The following RNF38 variants were observed in gnomAD, a reference collection of about 807,000 sequenced individuals.
RNF38 encodes the protein ring finger protein 38.
Under a neutral mutation model 67.2 loss-of-function variants are expected in RNF38, and 15 were observed. The ratio of observed to expected loss-of-function variants is 0.22; its 90% CI spans 0.15 to 0.34. The LOEUF (loss-of-function observed/expected upper bound fraction) is 0.34. RNF38 is among the 10% of genes least tolerant of loss of function. The probability of loss-of-function intolerance (pLI) is 1.00; values close to 1 mark genes in which losing one functional copy is unlikely to be tolerated. For missense variants in RNF38, 524 were observed against 639.9 expected (o/e 0.82, Z 1.95); for synonymous variants, 220 against 218.8 (o/e 1.01, Z -0.05).
chr9:36,421,762 G>A (rs996595470), intron 2 of RNF38, among the ~76,000 whole-genome samples: 1 of 152,210 alleles, frequency 6.6e-6, no homozygotes, highest in African/African-American at 2.4e-5. Flanking sequence ...GAAGAAGTGG[G>A]GAAGGGAGAG....
At chr9:36,407,660 T>G (rs1350605838) in intron 2 of RNF38, among the ~76,000 whole-genome samples, 1 of 152,284 alleles carries the variant, frequency 6.6e-6, no homozygotes, top group Admixed American at 6.5e-5. Flanking sequence ...TGCTGTAACC[T>G]ATACTCTTTG....
intron 1 of RNF38, chr9:36,487,195 G>A (rs1433140031): frequency 3.2e-5 from 22 of 684,486 alleles, no homozygotes; most frequent in South Asian, 6.5e-5. Flanking sequence ...AGCTGACCCG[G>A]ACAACGCTCC....
At chr9:36,353,380 C>T (rs1292502174) in intron 6 of RNF38, 49 bp from the exon 7 acceptor site, 2 of 1,250,330 alleles carry the variant, frequency 1.6e-6, no homozygotes, top group Admixed American at 3.0e-5. Flanking sequence ...ATATATACTT[C>T]CTGTGTTTAG....
rs751226521 is a variant in RNF38, at chr9:36,352,827, G to A, written c.1093C>T (p.Arg365Trp). The change falls in exon 8 of 12, where the codon CGG becomes TGG. Residue 365 changes from arginine (R) to tryptophan (W), a missense_variant. Arg to Trp is a moderately radical substitution (Grantham distance 101). Transcript: ENST00000259605. ...TATCTACTACGTCCTGTAAGCCTCC[G>A]AGGCATAAATGGAGGATAAGGCTGC... The part of the protein sequence containing the change: ...FGVPYPPFMP[R>W]RLTGRSRYRS... The A allele has an allele frequency of 8.7e-6, 14 of 1,613,540 alleles. No individual in the cohort carries two copies. The highest frequency in any genetic ancestry group is 2.7e-5 in the African/African-American group (2 of 74,878).
intron 1 of RNF38, among the ~76,000 whole-genome samples, chr9:36,454,570 C>T (rs564447743): frequency 5.5e-5 from 8 of 145,562 alleles, no homozygotes; most frequent in Middle Eastern, 7.1e-3. Context: ...ATCAATTATA[C>T]ATTAATTTAC....
intron 1 of RNF38, among the ~76,000 whole-genome samples, chr9:36,425,528 T>TA (rs1838745846): frequency 6.6e-6 from 1 of 152,110 alleles, no homozygotes; most frequent in Non-Finnish European, 1.5e-5. Flanking sequence ...ACCCTGTCTC[T>TA]ACTAAAAATA....
chr9:36,390,346 T>C (rs912212582), intron 2 of RNF38, 121 bp downstream of exon 2: 5 of 807,996 alleles, frequency 6.2e-6, no homozygotes, highest in Non-Finnish European at 9.3e-6. Context: ...GAAGAATACT[T>C]ATTTCCACAT....
chr9:36,400,861 C>T, upstream of RNF38: 1 of 985,026 alleles, frequency 1.0e-6, no homozygotes, highest in South Asian at 4.6e-5. Context: ...GGCCCCGTCC[C>T]GCAACACCGC....
intron 1 of RNF38, among the ~76,000 whole-genome samples, chr9:36,468,746 A>G (rs1839925160): frequency 6.6e-6 from 1 of 152,000 alleles, no homozygotes. Flanking sequence ...TGGGAGGCAG[A>G]GGTTGCAGTG....
chr9:36,369,105 G>C (rs1043328117), intron 4 of RNF38, among the ~76,000 whole-genome samples: 6 of 152,094 alleles, frequency 3.9e-5, no homozygotes, highest in Non-Finnish European at 7.4e-5. Context: ...CTTGCTTATT[G>C]AATTATTCCA....
intron 1 of RNF38, among the ~76,000 whole-genome samples, chr9:36,461,647 G>A (rs2134376418): frequency 6.6e-6 from 1 of 152,260 alleles, no homozygotes; most frequent in African/African-American, 2.4e-5. Context: ...GGAGAGATGG[G>A]ATAGCTTCAG....
chr9:36,450,447 TA>T (rs1839409566), intron 1 of RNF38, among the ~76,000 whole-genome samples: 1 of 152,182 alleles, frequency 6.6e-6, no homozygotes. Context: ...CCTAGGTACA[TA>T]ACTATAAATT....
chr9:36,479,403 G>T (rs1011248819), intron 1 of RNF38, among the ~76,000 whole-genome samples: 8 of 152,128 alleles, frequency 5.3e-5, no homozygotes, highest in African/African-American at 1.9e-4. Context: ...TATCGTTTGT[G>T]GGAATTTACT....
intron 3 of RNF38, among the ~76,000 whole-genome samples, chr9:36,373,752 C>T (rs1018853360): frequency 6.6e-6 from 1 of 150,986 alleles, no homozygotes; most frequent in African/African-American, 2.4e-5. Context: ...TGGGATTACA[C>T]GTTGTCAGCC....
chr9:36,370,486 G>A (rs548077670), intron 3 of RNF38, among the ~76,000 whole-genome samples: 6 of 152,028 alleles, frequency 3.9e-5, no homozygotes, highest in Non-Finnish European at 8.8e-5. Flanking sequence ...GGGTAAACAC[G>A]CGATGAATAT....
At chr9:36,349,029 G>T (rs924391222) in intron 9 of RNF38, among the ~76,000 whole-genome samples, 7 of 151,718 alleles carry the variant, frequency 4.6e-5, no homozygotes, top group Non-Finnish European at 7.4e-5. Context: ...GCCATTCTGT[G>T]GGCCCTTAAG....
At chr9:36,342,999 G>A (rs908340212) in intron 10 of RNF38, among the ~76,000 whole-genome samples, 2 of 152,184 alleles carry the variant, frequency 1.3e-5, no homozygotes, top group Non-Finnish European at 2.9e-5. Flanking sequence ...CAATGGTATA[G>A]TATTTGTGAC....
chr9:36,467,872 A>G (rs1839901435), intron 1 of RNF38, among the ~76,000 whole-genome samples: 1 of 152,234 alleles, frequency 6.6e-6, no homozygotes, highest in African/African-American at 2.4e-5. Flanking sequence ...GGGTTTGTTT[A>G]TAAAAGAAAT....
intron 1 of RNF38, among the ~76,000 whole-genome samples, chr9:36,443,673 G>A (rs1839243589): frequency 3.3e-5 from 5 of 151,948 alleles, no homozygotes; most frequent in Non-Finnish European, 7.4e-5. Flanking sequence ...TAATTAAAAT[G>A]CAAAAAAGAA....
Sources: gnomAD v4.1 joint callset for allele counts (sites outside exome capture counted in the v4.1 genomes callset) on GRCh38, gnomAD v4.1.1 for gene constraint, MANE v1.5 for transcripts, NCBI Gene and HGNC (gene_info 2026-07-23, HGNC 2026-07-21) for gene names.